The following PPT2 variants were observed in gnomAD, a reference collection of about 807,000 sequenced individuals.
PPT2 encodes the protein lysosomal thioesterase PPT2.
In PPT2, 20 loss-of-function variants were observed where a neutral mutation model predicts 37.3. The ratio of observed to expected loss-of-function variants is 0.54; its 90% CI spans 0.38 to 0.78. The LOEUF (loss-of-function observed/expected upper bound fraction) is 0.78. Ranked by LOEUF, PPT2 falls within the 30% of genes least tolerant of loss-of-function variation. The pLI, the probability that PPT2 is intolerant of heterozygous loss-of-function variation, is 0.00. For missense variants in PPT2, 270 were observed against 389.8 expected, an observed-to-expected ratio of 0.69 and a Z score of 2.59; for synonymous variants, 135 against 159.1, an observed-to-expected ratio of 0.85 and a Z score of 1.14.
intron 7 of PPT2, chr6:32,158,158 C>A (rs942204214): frequency 1.3e-5 from 6 of 452,134 alleles, no homozygotes; most frequent in Non-Finnish European, 2.3e-5. Context: ...CCCCCTCCCC[C>A]ACTTTATAAA....
intron 7 of PPT2, among the ~76,000 whole-genome samples, chr6:32,159,451 A>AAAG (rs1290087556): frequency 8.7e-6 from 1 of 115,116 alleles, no homozygotes; most frequent in South Asian, 2.7e-4. Context: ...AAAAAAAAAA[A>AAAG]ATATATATAT....
upstream of PPT2, chr6:32,154,052 G>A (rs1783545200): frequency 7.1e-6 from 8 of 1,121,394 alleles, no homozygotes; most frequent in Non-Finnish European, 8.7e-6. This position sits in a 1 kb window ranked among gnomAD's most constrained non-coding sequence, Gnocchi z 7.3. Context: ...GGTCTGTGTT[G>A]CGGGGAACGC....
At chr6:32,157,369 C>A (rs1405892260) in intron 5 of PPT2, 3 of 517,794 alleles carry the variant, frequency 5.8e-6, no homozygotes, top group African/African-American at 3.8e-5. Flanking sequence ...TGCACCACCA[C>A]GCCTGGCTAA....
chr6:32,158,020 T>C, intron 7 of PPT2, 96 bp downstream of exon 7: 3 of 1,088,724 alleles, frequency 2.8e-6, no homozygotes, highest in Non-Finnish European at 2.7e-6. Flanking sequence ...CTCCTTCCAC[T>C]GTTCAGTTAG....
chr6:32,155,232 T>C lies in PPT2; in HGVS notation c.337+49T>C. 1.9e-6 allele frequency: 3 copies of C among 1,599,982 alleles called. No homozygotes were observed. Among genetic ancestry groups the C allele is most frequent in the Non-Finnish European group, 2.6e-6 (3 of 1,169,278 alleles). On this transcript the variant is annotated intron_variant, in intron 3 of 8. Coordinates refer to ENST00000324816, the MANE Select transcript of PPT2 (RefSeq NM_005155.7). The surrounding 1 kb of genome is among the most constrained non-coding windows in gnomAD (Gnocchi z 4.3). ...CTCCTAAGCCCTATCTGAGGCTTGA[T>C]CCTTATCTGAGGGACACTTCCTAGC...
rs143313717 is a variant in PPT2 at position 32,155,917 on chromosome 6, C to T, written c.480C>T (p.Asn160=). The change falls in exon 5 of 9, where the codon AAC becomes AAT. Residue 160 remains asparagine, a synonymous_variant. Transcript: ENST00000324816. This position sits in a 1 kb window ranked among gnomAD's most constrained non-coding sequence, Gnocchi z 4.3. Reference sequence around the variant, plus strand: ...TGTTCCCCACCTCCATGCGGTCTAACCTCTATCGGATCTGCTATAGCCCCT... The same window carrying T: ...TGTTCCCCACCTCCATGCGGTCTAATCTCTATCGGATCTGCTATAGCCCCT... The part of the protein sequence containing the change: ...KWLFPTSMRS[N]LYRICYSPWG... The T allele has an allele frequency of 1.2e-5, 20 of 1,613,952 alleles. No homozygotes were observed. Among genetic ancestry groups the T allele is most frequent in the Non-Finnish European group, 1.6e-5 (19 of 1,180,026 alleles).
Position 32,155,588 on chromosome 6 carries a change from GT to G in PPT2, c.338-99del. ...AGTGTGTGTCTGTGTGTGTCTCTGTGTGTGTGTGTGTGTGTGTGTGTGTGTG... is the reference window on the plus strand; with the variant it reads ...AGTGTGTGTCTGTGTGTGTCTCTGTGGTGTGTGTGTGTGTGTGTGTGTGTG... On this transcript the variant is annotated intron_variant, in intron 3 of 8. Coordinates refer to ENST00000324816, the MANE Select transcript of PPT2 (RefSeq NM_005155.7). The surrounding 1 kb of genome is among the most constrained non-coding windows in gnomAD (Gnocchi z 4.3). 2.1e-6 allele frequency: 1 copy of G among 469,138 alleles called. No individual in the cohort carries two copies. Among genetic ancestry groups the G allele is most frequent in the Non-Finnish European group, 3.7e-6 (1 of 273,638 alleles). The allele number at this position is 469,138 out of a possible 1,614,324, so 29.1% of individuals were successfully genotyped here. A position where few individuals can be genotyped will look rare whatever the true frequency, so the allele number is the denominator to read the frequency against.
chr6:32,154,544 G>A lies in PPT2; in HGVS notation c.-8-43G>A, dbSNP rs369769958. ...CGGGCGTCTGTTCCGAGGGAGGAGG[G>A]TGTTGCCATCTCCCTCACATGCCCT... On this transcript the variant is annotated intron_variant, in intron 1 of 8. Coordinates refer to ENST00000324816, the MANE Select transcript of PPT2 (RefSeq NM_005155.7). The surrounding 1 kb of genome is among the most constrained non-coding windows in gnomAD (Gnocchi z 7.3). The A allele has an allele frequency of 5.3e-5, 83 of 1,563,534 alleles. No individual in the cohort carries two copies. The highest frequency in any genetic ancestry group is 7.1e-5 in the Non-Finnish European group (81 of 1,148,750).
rs1434382275 is a variant in PPT2 at position 32,155,187 on chromosome 6, G to T, written c.337+4G>T. ...CATCTCATCTGCTACTCGCAGGGTA[G>T]GCGACTCCCCTGCCCCTAACTCCTA... On this transcript the variant is annotated splice_donor_region_variant and intron_variant, in intron 3 of 8. Transcript: ENST00000324816. This position sits in a 1 kb window ranked among gnomAD's most constrained non-coding sequence, Gnocchi z 4.3. 7 of 1,613,042 alleles carry T rather than the reference G, an allele frequency of 4.3e-6. No homozygotes were observed. In the East Asian group the frequency reaches 1.3e-4, roughly 31 times the overall value.
Position 32,156,088 on chromosome 6 carries a change from A to T in PPT2, c.541+110A>T. ...AAAGATAACTTACATTTATTGAGTT[A>T]TTTGAACAGGCTCTGTTCAGAATTT... On this transcript the variant is annotated intron_variant, in intron 5 of 8. Transcript: ENST00000324816. The surrounding 1 kb of genome is among the most constrained non-coding windows in gnomAD (Gnocchi z 4.9). The T allele has an allele frequency of 1.1e-6, 1 of 901,910 alleles. No homozygotes were observed. Among genetic ancestry groups the T allele is most frequent in the Non-Finnish European group, 1.8e-6 (1 of 570,424 alleles). The allele number at this position is 901,910 out of a possible 1,614,324, so 55.9% of individuals were successfully genotyped here.
Position 32,163,098 on chromosome 6 carries a change from G to T in PPT2, c.*148G>T, listed in dbSNP as rs1298288536. Reference sequence around the variant, plus strand: ...TTAGTAGAGACGGGGTTTTAGTAGAGACTTGGCCTCCCAGAACCCCCTTCC... The same window carrying T: ...TTAGTAGAGACGGGGTTTTAGTAGATACTTGGCCTCCCAGAACCCCCTTCC... On this transcript the variant is annotated 3_prime_UTR_variant, in exon 9 of 9. Coordinates refer to ENST00000324816, the MANE Select transcript of PPT2 (RefSeq NM_005155.7). The T allele has an allele frequency of 6.3e-6, 6 of 952,012 alleles. No homozygotes were observed. The South Asian group carries it at 6.8e-5, about 11-fold the overall frequency. The allele number at this position is 952,012 out of a possible 1,614,324, so 59.0% of individuals were successfully genotyped here.
intron 7 of PPT2, among the ~76,000 whole-genome samples, chr6:32,159,929 C>T (rs1167390210): frequency 6.6e-6 from 1 of 151,800 alleles, no homozygotes; most frequent in Non-Finnish European, 1.5e-5. Flanking sequence ...ACTGTGTTAG[C>T]CAGGATGGTC....
chr6:32,159,671 G>A (rs970294339), intron 7 of PPT2, among the ~76,000 whole-genome samples: 1 of 151,216 alleles, frequency 6.6e-6, no homozygotes, highest in South Asian at 2.1e-4. Flanking sequence ...ATGAATGACA[G>A]TGATAGCTCA....
chr6:32,153,628 T>A, upstream of PPT2: 1 of 1,583,538 alleles, frequency 6.3e-7, no homozygotes, highest in Non-Finnish European at 8.5e-7. This position sits in a 1 kb window ranked among gnomAD's most constrained non-coding sequence, Gnocchi z 4.4. Context: ...CACTTCAGAA[T>A]GAAGAGTTGT....
At position 32,162,549 on chromosome 6, in the gene PPT2, C is replaced by T. The variant is rs1784230432; in HGVS notation, c.711-19C>T. 3.8e-6 allele frequency: 6 copies of T among 1,599,628 alleles called. No individual in the cohort carries two copies. Among genetic ancestry groups the T allele is most frequent in the Non-Finnish European group, 5.1e-6 (6 of 1,166,838 alleles). On this transcript the variant is annotated intron_variant, in intron 7 of 8. Transcript: ENST00000324816. The surrounding 1 kb of genome is among the most constrained non-coding windows in gnomAD (Gnocchi z 5.5). ...TTTCTCCAGCTCTTCTGATAACCTC[C>T]CCCCAAATCTCTTTGTAGCTTCTTT...
At chr6:32,159,491 G>A (rs1194208342) in intron 7 of PPT2, among the ~76,000 whole-genome samples, 2 of 137,988 alleles carry the variant, frequency 1.4e-5, no homozygotes, top group Non-Finnish European at 3.1e-5. Context: ...CCTATTTCCC[G>A]ACAGTCCCGG....
At chr6:32,161,354 A>G (rs191154784) in intron 7 of PPT2, among the ~76,000 whole-genome samples, 3 of 150,834 alleles carry the variant, frequency 2.0e-5, no homozygotes, top group Non-Finnish European at 4.4e-5. Context: ...GCAATGGCAA[A>G]TCTCGGCCCA....
rs1487384012 is a variant in PPT2, at chr6:32,155,056, G to A, written c.210G>A (p.Val70=). Residue 70 remains valine, a synonymous_variant, in exon 3 of 9, where the codon GTG becomes GTA. Transcript: ENST00000324816. The surrounding 1 kb of genome is among the most constrained non-coding windows in gnomAD (Gnocchi z 4.3). ...NETHPGTVVT[V]LDLFDGRESL... ...CACACCCCGGGACTGTGGTGACAGT[G>A]CTCGATCTCTTCGATGGGAGAGAGA... is the stretch of plus-strand genomic sequence containing the variant. The A allele has an allele frequency of 6.2e-7, 1 of 1,613,022 alleles. No homozygotes were observed. The highest frequency in any genetic ancestry group is 8.5e-7 in the Non-Finnish European group (1 of 1,180,014).
At position 32,162,866 on chromosome 6, in the gene PPT2, G is replaced by A; in HGVS notation, c.825G>A (p.Arg275=). 1 of 1,613,378 alleles carries A rather than the reference G, an allele frequency of 6.2e-7. No homozygotes were observed. Among genetic ancestry groups the A allele is most frequent in the Non-Finnish European group, 8.5e-7 (1 of 1,179,330 alleles). Residue 275 remains arginine, a synonymous_variant, in exon 9 of 9, where the codon AGG becomes AGA. Transcript: ENST00000324816. The surrounding 1 kb of genome is among the most constrained non-coding windows in gnomAD (Gnocchi z 5.5). ...TATTGGCCCGGGGGGCCATAGTGAG[G>A]TGTCCAATGGCCGGTATCTCCCACA... ...KTLLARGAIV[R]CPMAGISHTA...
Sources: gnomAD v4.1 joint callset for allele counts (sites outside exome capture counted in the v4.1 genomes callset) on GRCh38, gnomAD v4.1.1 for gene constraint, Gnocchi (gnomAD v3.1) non-coding constraint, MANE v1.5 for transcripts, NCBI Gene and HGNC (gene_info 2026-07-23, HGNC 2026-07-21) for gene names.